Variants in KCNN2 observed in about 807,000 individuals in gnomAD.
KCNN2 encodes the protein small conductance calcium-activated potassium channel protein 2.
A neutral mutation model predicts 55.5 loss-of-function variants in KCNN2; 24 were observed. The observed-to-expected ratio is 0.43, with a 90% CI of 0.31 to 0.61. The LOEUF (loss-of-function observed/expected upper bound fraction) is 0.61, where lower values mean the gene tolerates loss of function less well. Among genes scored for constraint, KCNN2 ranks in the 20% least tolerant of loss-of-function variants. KCNN2 has a pLI of 0.08. For synonymous variants in KCNN2, 431 were observed against 336.1 expected (o/e 1.28, Z -3.09); for missense variants, 754 against 853.6 (o/e 0.88, Z 1.45).
At chr5:114,164,073 A>G (rs981598594) in intron 1 of KCNN2, among the ~76,000 whole-genome samples, 4 of 152,202 alleles carry the variant, frequency 2.6e-5, no homozygotes, top group Non-Finnish European at 5.9e-5. Context: ...GTAATTTCCA[A>G]TGAATTGTGC....
chr5:114,061,525 G>T (rs761880076), intron 1 of KCNN2, among the ~76,000 whole-genome samples: 1 of 152,080 alleles, frequency 6.6e-6, no homozygotes, highest in Non-Finnish European at 1.5e-5. Flanking sequence ...ACACTGCCAT[G>T]ATTTGTCCTT....
chr5:114,213,333 C>T (rs1396555683), intron 1 of KCNN2, among the ~76,000 whole-genome samples: 1 of 151,784 alleles, frequency 6.6e-6, no homozygotes, highest in Non-Finnish European at 1.5e-5. Context: ...ATAAAATCTA[C>T]ACTGCAATTC....
At chr5:114,159,360 A>G (rs1752713840) in intron 1 of KCNN2, among the ~76,000 whole-genome samples, 1 of 152,134 alleles carries the variant, frequency 6.6e-6, no homozygotes, top group South Asian at 2.1e-4. Context: ...AGCCCACTTG[A>G]TCATGGTGGA....
chr5:114,438,663 G>A (rs1760099858), intron 3 of KCNN2, among the ~76,000 whole-genome samples: 1 of 152,102 alleles, frequency 6.6e-6, no homozygotes, highest in Non-Finnish European at 1.5e-5. Context: ...GGGGAAAATG[G>A]TGATGTCACC....
intron 1 of KCNN2, among the ~76,000 whole-genome samples, chr5:114,150,055 A>T (rs935109928): frequency 6.6e-6 from 1 of 152,158 alleles, no homozygotes; most frequent in African/African-American, 2.4e-5. Context: ...CCCTGACTGC[A>T]TGTCCGTTCA....
chr5:114,114,348 C>T (rs1751670948), intron 1 of KCNN2, among the ~76,000 whole-genome samples: 1 of 152,102 alleles, frequency 6.6e-6, no homozygotes, highest in African/African-American at 2.4e-5. Flanking sequence ...CTTGCTTAGC[C>T]TCCTGATTAG....
At chr5:114,451,411 T>C (rs951281580) in intron 3 of KCNN2, among the ~76,000 whole-genome samples, 1 of 152,012 alleles carries the variant, frequency 6.6e-6, no homozygotes, top group Non-Finnish European at 1.5e-5. Context: ...ACCGGACATT[T>C]TACAGAACCA....
At chr5:114,328,783 T>A (rs1402543495) in intron 2 of KCNN2, among the ~76,000 whole-genome samples, 1 of 152,172 alleles carries the variant, frequency 6.6e-6, no homozygotes, top group Non-Finnish European at 1.5e-5. Context: ...AGATTATTGT[T>A]TAGGCAACCC....
chr5:114,164,884 T>C (rs1415348039), intron 1 of KCNN2, among the ~76,000 whole-genome samples: 2 of 152,202 alleles, frequency 1.3e-5, no homozygotes, highest in South Asian at 4.1e-4. Flanking sequence ...TTAGCACTTA[T>C]TGAGTGCTTA....
chr5:114,058,922 T>G lies in KCNN2; in HGVS notation c.-271+2422T>G, dbSNP rs187047653. Among the ~76,000 whole-genome samples the G allele has an allele frequency of 1.4e-4, 22 of 152,322 alleles. No individual in the cohort carries two copies. The East Asian group carries it at 3.7e-3, about 25-fold the overall frequency. On this transcript the variant is annotated intron_variant, in intron 1 of 10. Transcript: ENST00000512097. ...GACTGTGTTTCTGCAGGTTACTTACTGCGCAGGAGACCAGCTCGGGGGGTC... is the reference window on the plus strand; with the variant it reads ...GACTGTGTTTCTGCAGGTTACTTACGGCGCAGGAGACCAGCTCGGGGGGTC...
upstream of KCNN2, among the ~76,000 whole-genome samples, chr5:114,358,629 G>A (rs1757343999): frequency 6.7e-6 from 1 of 150,154 alleles, no homozygotes; most frequent in Admixed American, 6.7e-5. Flanking sequence ...ATCACTGGAA[G>A]TCATAGCCCT....
intron 1 of KCNN2, among the ~76,000 whole-genome samples, chr5:114,090,575 A>AG (rs200958849): frequency 1.4e-3 from 144 of 99,728 alleles, no homozygotes; most frequent in African/African-American, 4.0e-3. Context: ...ATATATATGT[A>AG]TGTATATATA....
At chr5:114,457,249 C>A (rs115151066) in intron 3 of KCNN2, among the ~76,000 whole-genome samples, 1 of 152,108 alleles carries the variant, frequency 6.6e-6, no homozygotes, top group African/African-American at 2.4e-5. Flanking sequence ...AGGCAAGACC[C>A]TCCACCAGAA....
intron 1 of KCNN2, among the ~76,000 whole-genome samples, chr5:114,175,694 A>G (rs537192863): frequency 6.6e-6 from 1 of 152,294 alleles, no homozygotes; most frequent in South Asian, 2.1e-4. Context: ...CACTTTGCAC[A>G]AAAATTCAGG....
At chr5:114,179,840 C>A (rs200779234) in intron 1 of KCNN2, among the ~76,000 whole-genome samples, 1 of 152,138 alleles carries the variant, frequency 6.6e-6, no homozygotes, top group African/African-American at 2.4e-5. Flanking sequence ...ATTCTCACAC[C>A]GTGATAGAGA....
At chr5:114,385,407 T>G (rs1411411259) in intron 2 of KCNN2, among the ~76,000 whole-genome samples, 1 of 152,136 alleles carries the variant, frequency 6.6e-6, no homozygotes, top group East Asian at 1.9e-4. Flanking sequence ...TATAGTGTTG[T>G]GCCCTGTGAA....
At chr5:114,145,201 G>A (rs1752373406) in intron 1 of KCNN2, among the ~76,000 whole-genome samples, 1 of 152,124 alleles carries the variant, frequency 6.6e-6, no homozygotes, top group African/African-American at 2.4e-5. Context: ...CTACTTTTTT[G>A]TAAGTAATAT....
chr5:114,116,614 C>T (rs972121708), intron 1 of KCNN2, among the ~76,000 whole-genome samples: 1 of 152,068 alleles, frequency 6.6e-6, no homozygotes, highest in South Asian at 2.1e-4. Flanking sequence ...TCCATTACTT[C>T]GTGCATATAT....
chr5:114,441,903 A>G (rs975376084), intron 3 of KCNN2, among the ~76,000 whole-genome samples: 3 of 152,218 alleles, frequency 2.0e-5, no homozygotes, highest in African/African-American at 4.8e-5. Context: ...GAAAGAAACA[A>G]GACTGCCAGT....
Sources: gnomAD v4.1 joint callset for allele counts (sites outside exome capture counted in the v4.1 genomes callset) on GRCh38, gnomAD v4.1.1 for gene constraint, MANE v1.5 for transcripts, NCBI Gene and HGNC (gene_info 2026-07-23, HGNC 2026-07-21) for gene names.